The following AUTS2 variants were observed in gnomAD, a reference collection of about 807,000 sequenced individuals.
AUTS2 encodes autism susceptibility gene 2 protein.
A neutral mutation model predicts 112.4 loss-of-function variants in AUTS2; 17 were observed. That is an observed-to-expected ratio of 0.15 (90% CI 0.10 to 0.23). The LOEUF (loss-of-function observed/expected upper bound fraction) is 0.23, where lower values mean the gene tolerates loss of function less well. Ranked by LOEUF, AUTS2 falls within the 10% of genes least tolerant of loss-of-function variation. AUTS2 has a pLI of 1.00. For synonymous variants in AUTS2, 751 were observed against 702.7 expected (o/e 1.07, Z -1.09); for missense variants, 1,510 against 1,701.6 (o/e 0.89, Z 1.98).
intron 4 of AUTS2, chr7:70,290,282 G>A: frequency 1.6e-6 from 2 of 1,284,926 alleles, no homozygotes; most frequent in Non-Finnish European, 2.0e-6. Context: ...TACCAATGAT[G>A]TAAAAAAAAC....
At chr7:70,257,561 G>C (rs537717399) in intron 4 of AUTS2, among the ~76,000 whole-genome samples, 1 of 151,516 alleles carries the variant, frequency 6.6e-6, no homozygotes, top group Non-Finnish European at 1.5e-5. Context: ...CAAGTGAGCC[G>C]ACCGCCTCGA....
intron 1 of AUTS2, among the ~76,000 whole-genome samples, chr7:69,650,382 T>C (rs1342060568): frequency 6.6e-6 from 1 of 152,206 alleles, no homozygotes; most frequent in Non-Finnish European, 1.5e-5. Flanking sequence ...GCCAGGAGCC[T>C]GTTAAAAAGG....
At chr7:70,772,558 GTAAAACACAGT>G (rs1242767056) in intron 11 of AUTS2, among the ~76,000 whole-genome samples, 4 of 152,144 alleles carry the variant, frequency 2.6e-5, no homozygotes, top group African/African-American at 9.7e-5. Flanking sequence ...CATGGCTAAG[GTAAAACACAGT>G]TTTGGTCCAG....
chr7:70,056,347 C>T (rs1008516393), intron 2 of AUTS2, among the ~76,000 whole-genome samples: 1 of 152,158 alleles, frequency 6.6e-6, no homozygotes, highest in Non-Finnish European at 1.5e-5. Context: ...GATGTATCTT[C>T]AGCCTTTATA....
intron 5 of AUTS2, among the ~76,000 whole-genome samples, chr7:70,538,854 C>A (rs1470810629): frequency 6.6e-6 from 1 of 152,150 alleles, no homozygotes; most frequent in Non-Finnish European, 1.5e-5. Context: ...GTTATATATT[C>A]TTTCCTTCAT....
At chr7:69,739,092 A>G (rs1348538467) in intron 1 of AUTS2, among the ~76,000 whole-genome samples, 3 of 152,116 alleles carry the variant, frequency 2.0e-5, no homozygotes, top group Non-Finnish European at 4.4e-5. Context: ...AAAGCACTAA[A>G]GAAAAGGAAT....
At chr7:70,395,711 T>A (rs1156698274) in intron 4 of AUTS2, among the ~76,000 whole-genome samples, 1 of 152,170 alleles carries the variant, frequency 6.6e-6, no homozygotes, top group East Asian at 1.9e-4. Context: ...CAGTGCTTAG[T>A]GACTTTGAAG....
At chr7:70,554,761 G>A (rs1169992461) in intron 5 of AUTS2, among the ~76,000 whole-genome samples, 5 of 152,166 alleles carry the variant, frequency 3.3e-5, no homozygotes, top group African/African-American at 1.2e-4. Context: ...AGGCTGAAAA[G>A]CTGTCCAGGA....
intron 8 of AUTS2, among the ~76,000 whole-genome samples, chr7:70,765,207 G>A (rs1258837435): frequency 6.6e-6 from 1 of 152,176 alleles, no homozygotes; most frequent in Non-Finnish European, 1.5e-5. Flanking sequence ...CTCAGCCCCT[G>A]TGAATCAGAC....
At chr7:70,223,906 C>G (rs1159512523) in intron 4 of AUTS2, among the ~76,000 whole-genome samples, 1 of 150,920 alleles carries the variant, frequency 6.6e-6, no homozygotes, top group Non-Finnish European at 1.5e-5. Flanking sequence ...GCTATTTTGC[C>G]CAGGCTAGTC....
chr7:70,160,760 A>G (rs1379381273), intron 4 of AUTS2, among the ~76,000 whole-genome samples: 1 of 152,196 alleles, frequency 6.6e-6, no homozygotes, highest in Non-Finnish European at 1.5e-5. Flanking sequence ...AGAATAATAT[A>G]CTAGCTACAT....
At chr7:69,955,734 G>A (rs925539381) in intron 2 of AUTS2, among the ~76,000 whole-genome samples, 2 of 152,196 alleles carry the variant, frequency 1.3e-5, no homozygotes, top group East Asian at 1.9e-4. Context: ...CCCATGTTCC[G>A]TGGCATGGGC....
intron 5 of AUTS2, among the ~76,000 whole-genome samples, chr7:70,523,877 T>C (rs1251893674): frequency 1.3e-5 from 2 of 152,182 alleles, no homozygotes; most frequent in African/African-American, 4.8e-5. Context: ...GGCTTAGATC[T>C]TTCCCGCCTG....
At position 70,095,257 on chromosome 7, in the gene AUTS2, AGTGTGT is replaced by A. The variant is rs748946398; in HGVS notation, c.523-22863_523-22858del. Among the ~76,000 whole-genome samples, 8 of 150,686 alleles carry A rather than the reference AGTGTGT, an allele frequency of 5.3e-5. No individual in the cohort carries two copies. In the East Asian group the frequency reaches 1.4e-3, roughly 26 times the overall value. ...TGAGAGGATTGGATCACATATTAAGAGTGTGTGTGTGTGTGTGCGTGCGTGCGCTCA... is the reference window on the plus strand; with the variant it reads ...TGAGAGGATTGGATCACATATTAAGAGTGTGTGTGTGCGTGCGTGCGCTCA... On this transcript the variant is annotated intron_variant, in intron 2 of 18. Transcript: ENST00000342771.
intron 2 of AUTS2, among the ~76,000 whole-genome samples, chr7:69,964,636 C>T (rs1398879333): frequency 1.3e-5 from 2 of 151,662 alleles, no homozygotes; most frequent in Non-Finnish European, 2.9e-5. Flanking sequence ...TACCCAGATT[C>T]TAGCTTTTTG....
chr7:70,253,618 G>A (rs1361879466), intron 4 of AUTS2, among the ~76,000 whole-genome samples: 3 of 152,136 alleles, frequency 2.0e-5, no homozygotes, highest in Non-Finnish European at 4.4e-5. Context: ...ATTATTTCAT[G>A]CCTCTAGTGA....
chr7:69,770,318 G>C (rs1788606406), intron 1 of AUTS2, among the ~76,000 whole-genome samples: 1 of 152,234 alleles, frequency 6.6e-6, no homozygotes, highest in African/African-American at 2.4e-5. Flanking sequence ...TCATTCAGCA[G>C]ACATTTAGCA....
chr7:69,702,804 T>G lies in AUTS2; in HGVS notation c.309+102842T>G, dbSNP rs373119574. ...AGTCATTGGTCTGCATGTTCAATGTTTGGAAGCATTGCTCTAGTGCAGAGG... is the reference window on the plus strand; with the variant it reads ...AGTCATTGGTCTGCATGTTCAATGTGTGGAAGCATTGCTCTAGTGCAGAGG... On this transcript the variant is annotated intron_variant, in intron 1 of 18. Coordinates refer to ENST00000342771, the MANE Select transcript of AUTS2 (RefSeq NM_015570.4). Among the ~76,000 whole-genome samples the G allele has an allele frequency of 3.0e-4, 45 of 152,294 alleles. No homozygotes were observed. The East Asian group carries it at 5.6e-3, about 19-fold the overall frequency.
At chr7:69,675,487 G>A (rs1025505218) in intron 1 of AUTS2, among the ~76,000 whole-genome samples, 3 of 150,592 alleles carry the variant, frequency 2.0e-5, no homozygotes, top group Non-Finnish European at 3.0e-5. Flanking sequence ...TCATTTCTCA[G>A]GGTGGTTTTG....
Sources: gnomAD v4.1 joint callset for allele counts (sites outside exome capture counted in the v4.1 genomes callset) on GRCh38, gnomAD v4.1.1 for gene constraint, MANE v1.5 for transcripts, NCBI Gene and HGNC (gene_info 2026-07-23, HGNC 2026-07-21) for gene names.